The following IQSEC1 variants were observed in gnomAD, a reference collection of about 807,000 sequenced individuals.
IQSEC1 encodes the protein IQ motif and Sec7 domain ArfGEF 1, also known as IQ motif and SEC7 domain-containing protein 1.
A neutral mutation model predicts 91.0 loss-of-function variants in IQSEC1; 31 were observed. That is an observed-to-expected ratio of 0.34 (90% CI 0.26 to 0.46). IQSEC1 has a LOEUF of 0.46. Ranked by LOEUF, IQSEC1 falls within the 20% of genes least tolerant of loss-of-function variation. The pLI, the probability that IQSEC1 is intolerant of heterozygous loss-of-function variation, is 1.00. For missense variants in IQSEC1, 1,388 were observed against 1,575.6 expected (o/e 0.88, Z 2.02); for synonymous variants, 699 against 662.6 (o/e 1.05, Z -0.84).
chr3:13,277,310 G>C (rs1294435125), intron 1 of IQSEC1, among the ~76,000 whole-genome samples: 1 of 152,036 alleles, frequency 6.6e-6, no homozygotes, highest in South Asian at 2.1e-4. Flanking sequence ...AAAGCCTCCT[G>C]ATCTCTGCCA....
At position 13,008,357 on chromosome 3, in the gene IQSEC1, G is replaced by A. The variant is rs1310326400; in HGVS notation, c.23+64635C>T. Among the ~76,000 whole-genome samples the A allele has an allele frequency of 6.6e-6, 1 of 152,188 alleles. No homozygotes were observed. The highest frequency in any genetic ancestry group is 1.5e-5 in the Non-Finnish European group (1 of 68,036). ...ATCCTCCACCAGTGACCGTCAGGCT[G>A]TCCACTGTCCAACCCAGACGTCCTC... On this transcript the variant is annotated intron_variant, in intron 1 of 13. Transcript: ENST00000613206. The surrounding 1 kb of genome is among the most constrained non-coding windows in gnomAD (Gnocchi z 4.1).
At chr3:12,952,496 T>C (rs1699615840) in intron 1 of IQSEC1, among the ~76,000 whole-genome samples, 1 of 152,124 alleles carries the variant, frequency 6.6e-6, no homozygotes, top group Admixed American at 6.5e-5. Flanking sequence ...CTCTCCAGGC[T>C]CTTCTAGCCT....
intron 13 of IQSEC1, among the ~76,000 whole-genome samples, chr3:12,902,164 G>C (rs999386142): frequency 4.6e-5 from 7 of 152,188 alleles, no homozygotes; most frequent in Non-Finnish European, 8.8e-5. Context: ...CTGAGGTAGA[G>C]ATGTGAACAG....
chr3:13,208,084 A>G (rs1320776610), intron 1 of IQSEC1, among the ~76,000 whole-genome samples: 1 of 151,646 alleles, frequency 6.6e-6, no homozygotes, highest in Non-Finnish European at 1.5e-5. Context: ...TTGTAAGTAG[A>G]TAGTGACTCA....
At chr3:13,137,849 A>G (rs1706735677) in intron 2 of IQSEC1, among the ~76,000 whole-genome samples, 1 of 152,238 alleles carries the variant, frequency 6.6e-6, no homozygotes, top group Non-Finnish European at 1.5e-5. Context: ...AATAATAATA[A>G]TAAAATGCAC....
chr3:12,904,727 A>G (rs564292132), intron 12 of IQSEC1, among the ~76,000 whole-genome samples: 1 of 151,908 alleles, frequency 6.6e-6, no homozygotes, highest in South Asian at 2.1e-4. Flanking sequence ...AACGCCTGGG[A>G]CTCCTCTGGC....
At chr3:13,130,491 C>G (rs894065648) in intron 2 of IQSEC1, among the ~76,000 whole-genome samples, 1 of 152,016 alleles carries the variant, frequency 6.6e-6, no homozygotes, top group African/African-American at 2.4e-5. Context: ...TAGAATTTGG[C>G]ATATCTTGGT....
At chr3:12,906,210 G>A (rs899935895) in intron 12 of IQSEC1, among the ~76,000 whole-genome samples, 2 of 152,198 alleles carry the variant, frequency 1.3e-5, no homozygotes, top group African/African-American at 2.4e-5. Context: ...GAGCAGTGAC[G>A]TGTCAAACAT....
chr3:13,242,047 ATATT>A (rs1159198418), intron 1 of IQSEC1, among the ~76,000 whole-genome samples: 2 of 152,150 alleles, frequency 1.3e-5, no homozygotes, highest in African/African-American at 2.4e-5. Context: ...GTGTGCATAT[ATATT>A]TGTCTTTTGA....
intron 1 of IQSEC1, among the ~76,000 whole-genome samples, chr3:13,227,900 G>C (rs1694784623): frequency 6.6e-6 from 1 of 152,170 alleles, no homozygotes; most frequent in Non-Finnish European, 1.5e-5. Context: ...CGAGGCCTGA[G>C]GCTGGATCCT....
intron 1 of IQSEC1, among the ~76,000 whole-genome samples, chr3:13,272,490 C>G (rs557249515): frequency 6.6e-6 from 1 of 152,330 alleles, no homozygotes; most frequent in South Asian, 2.1e-4. Context: ...GGTGGTGAAG[C>G]CCCAGTACGG....
At chr3:13,208,237 A>G (rs542659858) in intron 1 of IQSEC1, among the ~76,000 whole-genome samples, 4 of 151,074 alleles carry the variant, frequency 2.6e-5, no homozygotes, top group African/African-American at 9.7e-5. Flanking sequence ...CTTGGGAGAC[A>G]CATCCTCTCC....
intron 1 of IQSEC1, among the ~76,000 whole-genome samples, chr3:13,255,772 G>A (rs1037431622): frequency 6.6e-6 from 1 of 152,180 alleles, no homozygotes; most frequent in African/African-American, 2.4e-5. Flanking sequence ...ACGAGCCACT[G>A]TAATCTGCAC....
At chr3:13,029,345 C>T (rs189838913) in intron 1 of IQSEC1, among the ~76,000 whole-genome samples, 41 of 152,324 alleles carry the variant, frequency 2.7e-4, no homozygotes, top group African/African-American at 9.9e-4. Context: ...AGAGAGAGGT[C>T]CACAGACACG....
At chr3:13,094,514 T>C (rs2246261) in intron 2 of IQSEC1, among the ~76,000 whole-genome samples, 85,346 of 151,452 alleles carry the variant, frequency 0.56, 24,744 homozygotes, top group African/African-American at 0.71. Context: ...TTGTTCCTTT[T>C]TGTCAGGAAG....
intron 1 of IQSEC1, among the ~76,000 whole-genome samples, chr3:13,072,529 G>A (rs1193800246): frequency 6.6e-6 from 1 of 152,218 alleles, no homozygotes; most frequent in East Asian, 1.9e-4. Flanking sequence ...TAGGGACGGT[G>A]GGCTGGACCT....
chr3:13,082,746 T>A (rs1037888303), intron 2 of IQSEC1, among the ~76,000 whole-genome samples: 11 of 152,200 alleles, frequency 7.2e-5, no homozygotes, highest in African/African-American at 2.4e-4. Flanking sequence ...CCAGTGCTGG[T>A]CACCCTTGGC....
intron 1 of IQSEC1, among the ~76,000 whole-genome samples, chr3:13,239,096 C>T (rs1188984812): frequency 6.6e-6 from 1 of 152,210 alleles, no homozygotes; most frequent in African/African-American, 2.4e-5. Flanking sequence ...TGGAGGACAA[C>T]ACAATGAGTC....
intron 1 of IQSEC1, among the ~76,000 whole-genome samples, chr3:13,252,617 CACA>C (rs1476193821): frequency 1.3e-5 from 2 of 152,194 alleles, no homozygotes; most frequent in Non-Finnish European, 2.9e-5. Context: ...GAGGAACCAC[CACA>C]ACGTTTCCAC....
Sources: allele counts gnomAD v4.1 joint callset (sites outside exome capture counted in the v4.1 genomes callset), GRCh38; gene constraint gnomAD v4.1.1; non-coding constraint Gnocchi (gnomAD v3.1); transcripts MANE v1.5; gene names NCBI Gene and HGNC (gene_info 2026-07-23, HGNC 2026-07-21).